Variants in RAI14 observed in about 807,000 individuals in gnomAD.
RAI14 encodes retinoic acid induced 14.
In RAI14, 45 loss-of-function variants were observed where a neutral mutation model predicts 115.4. The observed-to-expected ratio is 0.39, with a 90% CI of 0.31 to 0.50. RAI14 has a LOEUF of 0.50. Among genes scored for constraint, RAI14 ranks in the 20% least tolerant of loss-of-function variants. The pLI, the probability that RAI14 is intolerant of heterozygous loss-of-function variation, is 0.85. For missense variants in RAI14, 939 were observed against 1,131.2 expected (o/e 0.83, Z 2.44); for synonymous variants, 371 against 415.4 (o/e 0.89, Z 1.30).
chr5:34,693,553 C>G (rs538026734), intron 2 of RAI14, among the ~76,000 whole-genome samples: 1 of 152,168 alleles, frequency 6.6e-6, no homozygotes, highest in African/African-American at 2.4e-5. Context: ...TCATTTAATG[C>G]TTACAAAACT....
At chr5:34,809,038 T>C (rs1349655068) in intron 7 of RAI14, among the ~76,000 whole-genome samples, 1 of 152,190 alleles carries the variant, frequency 6.6e-6, no homozygotes, top group African/African-American at 2.4e-5. Flanking sequence ...AGCCCCTGGG[T>C]TGGGTACTCC....
At chr5:34,755,861 C>T (rs1194660751) in intron 2 of RAI14, among the ~76,000 whole-genome samples, 2 of 152,052 alleles carry the variant, frequency 1.3e-5, no homozygotes, top group African/African-American at 2.4e-5. Flanking sequence ...AGTGGACATC[C>T]AGTCCAAAGC....
Position 34,821,841 on chromosome 5 carries a change from T to A in RAI14, c.1104T>A (p.Asp368Glu). Reference protein sequence around the residue: ...SLTLHNKELQDKLQAKSPKEA... With the variant: ...SLTLHNKELQEKLQAKSPKEA... Reference sequence around the variant, plus strand: ...CCTTACACAATAAGGAGTTACAAGATAAATTACAGGTATATAAATAGATTG... The same window carrying A: ...CCTTACACAATAAGGAGTTACAAGAAAAATTACAGGTATATAAATAGATTG... The change falls in exon 14 of 18, where the codon GAT becomes GAA. Residue 368 changes from aspartate to glutamate, a missense_variant. Transcript: ENST00000265109. 1 of 1,546,590 alleles carries A rather than the reference T, an allele frequency of 6.5e-7. No homozygotes were observed. Among genetic ancestry groups the A allele is most frequent in the African/African-American group, 1.4e-5 (1 of 73,572 alleles).
At chr5:34,812,431 C>T (rs754879811) in intron 10 of RAI14, among the ~76,000 whole-genome samples, 2 of 152,018 alleles carry the variant, frequency 1.3e-5, no homozygotes, top group South Asian at 4.1e-4. Flanking sequence ...TTTGGGAGGC[C>T]GAGGCTGGTG....
At chr5:34,792,407 T>C (rs1753039448) in intron 3 of RAI14, among the ~76,000 whole-genome samples, 1 of 152,052 alleles carries the variant, frequency 6.6e-6, no homozygotes, top group South Asian at 2.1e-4. Flanking sequence ...CTAATTTTTT[T>C]GTATTTTTAG....
rs142742999 is a variant in RAI14, at chr5:34,792,484, T to G, written c.168-3455T>G. On this transcript the variant is annotated intron_variant, in intron 3 of 17. Transcript: ENST00000265109. ...CTCCTGACCTCGTGATCCGCCCACC[T>G]CGGCCTCCCAAAGTGCTGGGATTAC... is the stretch of plus-strand genomic sequence containing the variant. 2.3e-3 allele frequency among the ~76,000 whole-genome samples: 355 copies of G among 152,256 alleles called. 1 individual carries two copies. The highest frequency in any genetic ancestry group is 8.2e-3 in the African/African-American group (340 of 41,554).
At chr5:34,761,919 A>G (rs1210666024) in intron 3 of RAI14, among the ~76,000 whole-genome samples, 3 of 152,136 alleles carry the variant, frequency 2.0e-5, no homozygotes. Context: ...ATGCACTACC[A>G]CACCCACCTT....
At chr5:34,745,394 C>G (rs995444880) in intron 2 of RAI14, among the ~76,000 whole-genome samples, 128 of 152,318 alleles carry the variant, frequency 8.4e-4, no homozygotes, top group African/African-American at 3.0e-3. Context: ...TTGGGGACAT[C>G]TAAGTGGCTC....
chr5:34,719,114 C>T (rs547439064), intron 2 of RAI14, among the ~76,000 whole-genome samples: 6 of 151,552 alleles, frequency 4.0e-5, no homozygotes, highest in Admixed American at 6.6e-5. Context: ...GTCTCTGATC[C>T]GTGTTGTGGA....
intron 3 of RAI14, among the ~76,000 whole-genome samples, chr5:34,792,322 C>T (rs966612766): frequency 1.8e-4 from 28 of 151,356 alleles, no homozygotes; most frequent in African/African-American, 6.8e-4. Context: ...CAAGCTCCGC[C>T]TCCCTGGTTC....
At chr5:34,822,230 T>G (rs1756909831) in intron 14 of RAI14, among the ~76,000 whole-genome samples, 1 of 130,206 alleles carries the variant, frequency 7.7e-6, no homozygotes, top group African/African-American at 2.9e-5. Context: ...ACGTTTTAAA[T>G]TATATATGTA....
At chr5:34,664,864 A>G (rs1214825424) in intron 1 of RAI14, among the ~76,000 whole-genome samples, 5 of 150,646 alleles carry the variant, frequency 3.3e-5, no homozygotes, top group Middle Eastern at 3.4e-3. Flanking sequence ...ATGGGTAGGA[A>G]TGTACGATGT....
At chr5:34,829,201 A>G (rs1757778794) in intron 16 of RAI14, among the ~76,000 whole-genome samples, 1 of 151,890 alleles carries the variant, frequency 6.6e-6, no homozygotes, top group Admixed American at 6.6e-5. Context: ...ATATATATAT[A>G]TTTTGAGACA....
At chr5:34,751,515 AT>A in intron 2 of RAI14, among the ~76,000 whole-genome samples, 1 of 152,294 alleles carries the variant, frequency 6.6e-6, no homozygotes, top group African/African-American at 2.4e-5. Context: ...CTTTATGTGC[AT>A]GCAGTCATAC....
chr5:34,676,895 AAAGGATTCATTGCC>A (rs1275545597), intron 1 of RAI14, among the ~76,000 whole-genome samples: 6 of 152,198 alleles, frequency 3.9e-5, no homozygotes, highest in African/African-American at 1.4e-4. Flanking sequence ...AGTATTTTAG[AAAGGATTCATTGCC>A]AAGATGACAT....
chr5:34,767,800 T>C (rs890659187), intron 3 of RAI14, among the ~76,000 whole-genome samples: 4 of 151,976 alleles, frequency 2.6e-5, no homozygotes, highest in Non-Finnish European at 5.9e-5. Context: ...TATCAAATTA[T>C]CAAGGCGAGA....
At chr5:34,799,876 A>T (rs1198201991) in intron 4 of RAI14, among the ~76,000 whole-genome samples, 1 of 151,756 alleles carries the variant, frequency 6.6e-6, no homozygotes, top group Non-Finnish European at 1.5e-5. Context: ...TTTAGTAGGG[A>T]CGGGGTTTCA....
chr5:34,807,399 T>G (rs576424679), intron 5 of RAI14, among the ~76,000 whole-genome samples: 1 of 152,204 alleles, frequency 6.6e-6, no homozygotes, highest in South Asian at 2.1e-4. Context: ...GCAGTGGTTT[T>G]GGGAGTGAAT....
At chr5:34,812,851 T>C (rs532654995) in intron 10 of RAI14, among the ~76,000 whole-genome samples, 1 of 152,366 alleles carries the variant, frequency 6.6e-6, no homozygotes, top group Non-Finnish European at 1.5e-5. Flanking sequence ...ATACTTGTAA[T>C]ATCACATGAG....
Sources: allele counts gnomAD v4.1 joint callset (sites outside exome capture counted in the v4.1 genomes callset), GRCh38; gene constraint gnomAD v4.1.1; transcripts MANE v1.5; gene names NCBI Gene and HGNC (gene_info 2026-07-23, HGNC 2026-07-21).